SNTB1: variants seen among roughly 807,000 people sequenced by gnomAD.
SNTB1 encodes beta-1-syntrophin.
A neutral mutation model predicts 48.9 loss-of-function variants in SNTB1; 36 were observed. The observed-to-expected ratio is 0.74, with a 90% CI of 0.56 to 0.97. The LOEUF is 0.97. SNTB1 is among the 50% of genes least tolerant of loss of function. The probability of loss-of-function intolerance (pLI) is 0.00; values close to 1 mark genes in which losing one functional copy is unlikely to be tolerated. For synonymous variants in SNTB1, 299 were observed against 294.6 expected, an observed-to-expected ratio of 1.01 and a Z score of -0.15; for missense variants, 786 against 703.4, an observed-to-expected ratio of 1.12 and a Z score of -1.33.
intron 1 of SNTB1, among the ~76,000 whole-genome samples, chr8:120,749,361 A>G (rs1819175087): frequency 6.6e-6 from 1 of 152,196 alleles, no homozygotes; most frequent in Non-Finnish European, 1.5e-5. Flanking sequence ...GCTAAATCTT[A>G]AATTATTCCT....
intron 1 of SNTB1, among the ~76,000 whole-genome samples, chr8:120,724,242 A>G (rs1818717097): frequency 6.6e-6 from 1 of 152,124 alleles, no homozygotes; most frequent in African/African-American, 2.4e-5. Flanking sequence ...GCTCTTGTAC[A>G]CTCTGACAAA....
rs369675242 is a variant in SNTB1 at position 120,548,814 on chromosome 8, G to A, written c.1281C>T (p.Ser427=). ...CAGAATTGTGGCAACCCTGTACTAT[G>A]CTCCTTGTCCAGTGGGAGAGGTCCC... ...TSRDLSHWTR[S]IVQGCHNSAE... is the part of the protein sequence containing the mutation. The change falls in exon 5 of 7, where the codon AGC becomes AGT. Residue 427 remains serine (S), a synonymous_variant. Coordinates refer to ENST00000517992, the MANE Select transcript of SNTB1 (RefSeq NM_021021.4). 26 of 1,614,128 alleles carry A rather than the reference G, an allele frequency of 1.6e-5. No individual in the cohort carries two copies. In the African/African-American group the frequency reaches 1.9e-4, roughly 12 times the overall value.
chr8:120,609,332 C>G (rs1816580402), intron 3 of SNTB1, among the ~76,000 whole-genome samples: 1 of 152,312 alleles, frequency 6.6e-6, no homozygotes, highest in African/African-American at 2.4e-5. Context: ...AAACTGAAGA[C>G]AACAATGAGT....
intron 4 of SNTB1, among the ~76,000 whole-genome samples, chr8:120,555,989 T>G (rs1480548508): frequency 6.6e-6 from 1 of 152,154 alleles, no homozygotes; most frequent in Non-Finnish European, 1.5e-5. Flanking sequence ...CTGTGAAAAC[T>G]AAATGTCTGT....
chr8:120,679,089 C>T lies in SNTB1; in HGVS notation c.788+14603G>A, dbSNP rs766914898. 3.2e-4 allele frequency among the ~76,000 whole-genome samples: 48 copies of T among 152,208 alleles called. 1 individual carries two copies. Among genetic ancestry groups the T allele is most frequent in the Non-Finnish European group, 3.7e-4 (25 of 68,034 alleles). On this transcript the variant is annotated intron_variant, in intron 2 of 6. Coordinates refer to ENST00000517992, the MANE Select transcript of SNTB1 (RefSeq NM_021021.4). ...AAGAGCTTCCCACTGGGTGCTAGGT[C>T]CTGGGTGCTTCCCCACCACTTGTTG...
At position 120,722,316 on chromosome 8, in the gene SNTB1, G is replaced by A. The variant is rs532015520; in HGVS notation, c.572-28408C>T. On this transcript the variant is annotated intron_variant, in intron 1 of 6. Transcript: ENST00000517992. The stretch of plus-strand genomic sequence containing the variant: ...TCTAGCTCTAGATCCTTGAGGAATC[G>A]CCACACTGTCTTCCACAATGGTTGA... Among the ~76,000 whole-genome samples the A allele has an allele frequency of 3.9e-5, 6 of 152,276 alleles. No individual in the cohort carries two copies. The East Asian group carries it at 7.7e-4, about 20-fold the overall frequency.
intron 1 of SNTB1, among the ~76,000 whole-genome samples, chr8:120,778,858 T>C (rs540714074): frequency 1.3e-5 from 2 of 152,352 alleles, no homozygotes; most frequent in South Asian, 4.1e-4. Context: ...AATGACATAT[T>C]GAATAGGATT....
chr8:120,699,794 G>A (rs1054425046), intron 1 of SNTB1, among the ~76,000 whole-genome samples: 1 of 152,002 alleles, frequency 6.6e-6, no homozygotes, highest in African/African-American at 2.4e-5. Flanking sequence ...AGGGAGAGGT[G>A]GCTATTACTG....
At chr8:120,605,498 C>T (rs1336858537) in intron 3 of SNTB1, among the ~76,000 whole-genome samples, 2 of 152,252 alleles carry the variant, frequency 1.3e-5, no homozygotes, top group South Asian at 2.1e-4. Context: ...AGCCATGACA[C>T]GTATCTTTGG....
At chr8:120,580,341 G>A (rs766909399) in intron 3 of SNTB1, among the ~76,000 whole-genome samples, 5 of 152,232 alleles carry the variant, frequency 3.3e-5, no homozygotes. Flanking sequence ...GCTGAGGGAC[G>A]TGAACAGCTT....
intron 5 of SNTB1, among the ~76,000 whole-genome samples, chr8:120,543,060 G>A (rs890717476): frequency 6.6e-6 from 1 of 152,130 alleles, no homozygotes; most frequent in African/African-American, 2.4e-5. Context: ...AAAACCTCTT[G>A]AGCAGGTGCG....
intron 4 of SNTB1, among the ~76,000 whole-genome samples, chr8:120,556,680 TC>T (rs1415248465): frequency 2.0e-5 from 3 of 152,186 alleles, no homozygotes; most frequent in African/African-American, 7.2e-5. Context: ...AGATCCTTTC[TC>T]TTTTGTTATG....
At chr8:120,752,102 A>C (rs1266547272) in intron 1 of SNTB1, among the ~76,000 whole-genome samples, 1 of 152,146 alleles carries the variant, frequency 6.6e-6, no homozygotes, top group African/African-American at 2.4e-5. Context: ...AAGAACATCA[A>C]ATTGAGAGAG....
chr8:120,717,915 T>A (rs1232220418), intron 1 of SNTB1, among the ~76,000 whole-genome samples: 1 of 152,224 alleles, frequency 6.6e-6, no homozygotes, highest in Non-Finnish European at 1.5e-5. Context: ...AGGCTTGAGA[T>A]GGAAGAAAAG....
intron 1 of SNTB1, among the ~76,000 whole-genome samples, chr8:120,809,694 C>A (rs909272556): frequency 6.6e-6 from 1 of 152,074 alleles, no homozygotes; most frequent in East Asian, 1.9e-4. Context: ...ATAACACTTG[C>A]CCCAGATCCC....
At chr8:120,585,021 T>A (rs774740039) in intron 3 of SNTB1, among the ~76,000 whole-genome samples, 14 of 152,146 alleles carry the variant, frequency 9.2e-5, no homozygotes, top group Non-Finnish European at 7.3e-5. Context: ...CTTAATCTCC[T>A]AATTCTAGCC....
At chr8:120,583,236 C>T (rs1281214384) in intron 3 of SNTB1, among the ~76,000 whole-genome samples, 1 of 152,124 alleles carries the variant, frequency 6.6e-6, no homozygotes, top group Non-Finnish European at 1.5e-5. Flanking sequence ...GATGGTTGCT[C>T]ACGCCTGTAA....
chr8:120,546,016 C>A (rs1186774233), intron 5 of SNTB1, among the ~76,000 whole-genome samples: 2 of 152,156 alleles, frequency 1.3e-5, no homozygotes, highest in African/African-American at 4.8e-5. Flanking sequence ...AGAAATAGAA[C>A]TGGAATTTGA....
chr8:120,574,033 C>G (rs1004935971), intron 4 of SNTB1, among the ~76,000 whole-genome samples: 1 of 152,152 alleles, frequency 6.6e-6, no homozygotes, highest in East Asian at 1.9e-4. Flanking sequence ...CAATATTATT[C>G]AGCCTTAAAA....
Sources: gnomAD v4.1 joint callset for allele counts (sites outside exome capture counted in the v4.1 genomes callset) on GRCh38, gnomAD v4.1.1 for gene constraint, MANE v1.5 for transcripts, NCBI Gene and HGNC (gene_info 2026-07-23, HGNC 2026-07-21) for gene names.